Variants in KRCC1 observed in about 807,000 individuals in gnomAD.
KRCC1 encodes the protein lysine rich coiled-coil 1, also known as lysine-rich coiled-coil protein 1.
In KRCC1, 3 loss-of-function variants were observed where a neutral mutation model predicts 7.4. The ratio of observed to expected loss-of-function variants is 0.40; its 90% CI spans 0.18 to 1.04. The LOEUF (loss-of-function observed/expected upper bound fraction) is 1.04, where lower values mean the gene tolerates loss of function less well. Among genes scored for constraint, KRCC1 ranks in the 50% least tolerant of loss-of-function variants. The pLI is 0.33. For synonymous variants in KRCC1, 102 were observed against 101.6 expected (o/e 1.00, Z -0.02); for missense variants, 277 against 300.9 (o/e 0.92, Z 0.59).
In KRCC1 at chr2:88,028,468, A is replaced by G; in HGVS notation, c.96T>C (p.Cys32=). ...AATAGTCCCCTTTCATCTTTCTGAA[A>G]CAAGTCTTTGGCTCTAAGCCTCTGG... ...QKARGLEPKT[C]FRKMKGDYLE... The change falls in exon 4 of 4, where the codon TGT becomes TGC. Residue 32 remains cysteine (C), a synonymous_variant. Coordinates refer to ENST00000347055, the MANE Select transcript of KRCC1 (RefSeq NM_016618.3). 1 of 1,614,032 alleles carries G rather than the reference A, an allele frequency of 6.2e-7. No individual in the cohort carries two copies. The highest frequency in any genetic ancestry group is 8.5e-7 in the Non-Finnish European group (1 of 1,179,954).
chr2:88,045,525 C>T (rs1177083595), intron 1 of KRCC1, among the ~76,000 whole-genome samples: 1 of 152,052 alleles, frequency 6.6e-6, no homozygotes, highest in African/African-American at 2.4e-5. Context: ...AAACTAATCT[C>T]TAGTAATAGC....
At chr2:88,042,488 A>G (rs1673233723) in intron 1 of KRCC1, among the ~76,000 whole-genome samples, 1 of 150,230 alleles carries the variant, frequency 6.7e-6, no homozygotes, top group Admixed American at 6.7e-5. Flanking sequence ...GCATGATCAT[A>G]GCTCGCTGCA....
rs565992511 is a variant in KRCC1, at chr2:88,042,432, CTT to C, written c.-290-5383_-290-5382del. Among the ~76,000 whole-genome samples, 10 of 149,530 alleles carry C rather than the reference CTT, an allele frequency of 6.7e-5. No individual in the cohort carries two copies. The South Asian group carries it at 2.0e-3, about 29-fold the overall frequency. On this transcript the variant is annotated intron_variant, in intron 1 of 3. Transcript: ENST00000347055. Reference sequence around the variant, plus strand: ...CTGCCCACCCCCACCCCACCTCTCTCTTTCTTTCTTTAAAAAACCAGAGTCCC... The same window carrying C: ...CTGCCCACCCCCACCCCACCTCTCTCTCTTTCTTTAAAAAACCAGAGTCCC...
intron 1 of KRCC1, among the ~76,000 whole-genome samples, chr2:88,042,702 G>A (rs1245276104): frequency 2.0e-5 from 3 of 152,114 alleles, no homozygotes; most frequent in African/African-American, 7.2e-5. Flanking sequence ...TTACAGTTGT[G>A]AGCCACCGCA....
chr2:88,048,791 T>G (rs1673401745), intron 1 of KRCC1, among the ~76,000 whole-genome samples: 1 of 152,250 alleles, frequency 6.6e-6, no homozygotes, highest in African/African-American at 2.4e-5. Flanking sequence ...CAATACTATC[T>G]TAATCTTAGT....
chr2:88,033,462 G>T (rs989044302), intron 3 of KRCC1, among the ~76,000 whole-genome samples: 2 of 152,104 alleles, frequency 1.3e-5, no homozygotes, highest in Admixed American at 1.3e-4. Context: ...GGAGGTGGAG[G>T]TTGCAGTGAG....
At chr2:88,050,333 A>T (rs1673445390) in intron 1 of KRCC1, among the ~76,000 whole-genome samples, 1 of 152,200 alleles carries the variant, frequency 6.6e-6, no homozygotes, top group South Asian at 2.1e-4. Context: ...TCTTAAAAAC[A>T]GGTAGAGCTG....
intron 1 of KRCC1, among the ~76,000 whole-genome samples, chr2:88,042,457 C>A (rs928930434): frequency 6.9e-6 from 1 of 145,964 alleles, no homozygotes; most frequent in Non-Finnish European, 1.5e-5. Context: ...AAACCAGAGT[C>A]CCTGAGGCTG....
intron 1 of KRCC1, among the ~76,000 whole-genome samples, chr2:88,037,975 T>C (rs1306924768): frequency 6.6e-6 from 1 of 152,238 alleles, no homozygotes; most frequent in Non-Finnish European, 1.5e-5. Context: ...AGTTTATACA[T>C]AGGGTGCCAA....
chr2:88,028,644 CT>C (rs35917852), intron 3 of KRCC1, 59 bp from the exon 4 acceptor site: 8,357 of 499,260 alleles, frequency 0.017, 12 homozygotes, highest in African/African-American at 0.045. Flanking sequence ...TTCCTTTGCT[CT>C]TTTTTTTTTT....
At chr2:88,047,302 C>A (rs541129581) in intron 1 of KRCC1, among the ~76,000 whole-genome samples, 1 of 152,234 alleles carries the variant, frequency 6.6e-6, no homozygotes, top group Non-Finnish European at 1.5e-5. Context: ...AGGCTGGTCT[C>A]AAACTCCTGG....
chr2:88,027,717 G>T lies in KRCC1; in HGVS notation c.*67C>A. The T allele has an allele frequency of 7.2e-7, 1 of 1,384,664 alleles. No individual in the cohort carries two copies. Among genetic ancestry groups the T allele is most frequent in the African/African-American group, 1.4e-5 (1 of 69,052 alleles). 85.8% of individuals were successfully genotyped at this position (1,384,664 alleles called of 1,614,324 possible). A position where few individuals can be genotyped will look rare whatever the true frequency, so the allele number is the denominator to read the frequency against. On this transcript the variant is annotated 3_prime_UTR_variant, in exon 4 of 4. Coordinates refer to ENST00000347055, the MANE Select transcript of KRCC1 (RefSeq NM_016618.3). ...ACATAAGAAAAGTGGTATGAACACG[G>T]ATATCATAAAACCAAGCTCTCACCT...
rs1159595229 is a variant in KRCC1, at chr2:88,027,540, CAG to C, written c.*242_*243del. On this transcript the variant is annotated 3_prime_UTR_variant, in exon 4 of 4. Coordinates refer to ENST00000347055, the MANE Select transcript of KRCC1 (RefSeq NM_016618.3). ...ATCAAAGCAATTTGATGAATAAAAG[CAG>C]AGTCACTTTCATTAAAGGAAATTAC... 1.3e-5 allele frequency: 5 copies of C among 389,890 alleles called. No homozygotes were observed. In the East Asian group the frequency reaches 2.0e-4, roughly 16 times the overall value. The allele number at this position is 389,890 out of a possible 1,614,324, so 24.2% of individuals were successfully genotyped here. A position where few individuals can be genotyped will look rare whatever the true frequency, so the allele number is the denominator to read the frequency against.
chr2:88,055,184 C>T (rs1673589928), intron 1 of KRCC1, among the ~76,000 whole-genome samples: 1 of 151,820 alleles, frequency 6.6e-6, no homozygotes, highest in Non-Finnish European at 1.5e-5. Context: ...CCCTAAGCGT[C>T]CTACGTCAAA....
Position 88,028,752 on chromosome 2 carries a change from G to T in KRCC1, c.-22-167C>A, listed in dbSNP as rs1325801463. 4.8e-5 allele frequency among the ~76,000 whole-genome samples: 7 copies of T among 147,286 alleles called. No individual in the cohort carries two copies. In the East Asian group the frequency reaches 1.5e-3, roughly 32 times the overall value. On this transcript the variant is annotated intron_variant, in intron 3 of 3. Coordinates refer to ENST00000347055, the MANE Select transcript of KRCC1 (RefSeq NM_016618.3). The stretch of plus-strand genomic sequence containing the variant: ...TGCAACCTCTGCCTCTTGGGTTCAA[G>T]TGATTCTCCTGCCTCAGCCTCCCGA...
intron 1 of KRCC1, among the ~76,000 whole-genome samples, chr2:88,053,320 T>C (rs942965179): frequency 4.6e-5 from 7 of 152,252 alleles, no homozygotes; most frequent in African/African-American, 1.4e-4. Context: ...GAAAGGTTAC[T>C]GCTAGTACTG....
chr2:88,041,572 TG>T (rs1297739145), intron 1 of KRCC1, among the ~76,000 whole-genome samples: 1 of 152,212 alleles, frequency 6.6e-6, no homozygotes, highest in African/African-American at 2.4e-5. Flanking sequence ...TTAAAACAGT[TG>T]GGTCCCTGAA....
chr2:88,055,490 C>A (rs1224184822), intron 1 of KRCC1, 136 bp downstream of exon 1: 1 of 152,072 alleles, frequency 6.6e-6, no homozygotes, highest in Non-Finnish European at 1.5e-5. Context: ...GTGCGCGGGA[C>A]TCGGGCCGCG....
At chr2:88,050,604 CAG>C (rs1202913459) in intron 1 of KRCC1, among the ~76,000 whole-genome samples, 2 of 152,306 alleles carry the variant, frequency 1.3e-5, no homozygotes, top group Admixed American at 1.3e-4. Context: ...GCCTGGATGA[CAG>C]AGACTCCGTC....
Sources: allele counts gnomAD v4.1 joint callset (sites outside exome capture counted in the v4.1 genomes callset), GRCh38; gene constraint gnomAD v4.1.1; transcripts MANE v1.5; gene names NCBI Gene and HGNC (gene_info 2026-07-23, HGNC 2026-07-21).